The following SOX5 variants were observed in gnomAD, a reference collection of about 807,000 sequenced individuals.
SOX5 encodes the protein SRY-box transcription factor 5.
SOX5 carries 9 observed loss-of-function variants against 92.0 expected under a neutral mutation model. That is an observed-to-expected ratio of 0.10 (90% CI 0.06 to 0.17). The LOEUF is 0.17. SOX5 is among the 10% of genes least tolerant of loss of function. The probability of loss-of-function intolerance (pLI) is 1.00; values close to 1 mark genes in which losing one functional copy is unlikely to be tolerated. For missense variants in SOX5, 642 were observed against 944.5 expected (o/e 0.68, Z 4.20); for synonymous variants, 344 against 336.3 (o/e 1.02, Z -0.25).
chr12:23,892,450 G>A (rs2097138436), intron 2 of SOX5, among the ~76,000 whole-genome samples: 2 of 152,198 alleles, frequency 1.3e-5, no homozygotes, highest in Non-Finnish European at 2.9e-5. Flanking sequence ...CTAGTCTATA[G>A]AGATTTTTCT....
chr12:24,395,073 C>T (rs1959566622), intron 1 of SOX5, among the ~76,000 whole-genome samples: 1 of 152,112 alleles, frequency 6.6e-6, no homozygotes, highest in Non-Finnish European at 1.5e-5. Flanking sequence ...CCATTTCCTT[C>T]CAACATTTAT....
chr12:23,788,315 T>C (rs2095416188), intron 3 of SOX5, among the ~76,000 whole-genome samples: 1 of 151,894 alleles, frequency 6.6e-6, no homozygotes, highest in South Asian at 2.1e-4. Context: ...AGAGAAACAG[T>C]TTACAGTTTT....
intron 3 of SOX5, among the ~76,000 whole-genome samples, chr12:23,764,197 TA>T (rs1163984251): frequency 3.3e-5 from 5 of 152,076 alleles, no homozygotes; most frequent in African/African-American, 4.8e-5. Context: ...AAAATTAAAA[TA>T]TTTCCAACAA....
chr12:23,589,797 A>G lies in SOX5; in HGVS notation c.1165-13959T>C, dbSNP rs181491465. On this transcript the variant is annotated intron_variant, in intron 9 of 14. Transcript: ENST00000451604. The stretch of plus-strand genomic sequence containing the variant: ...TCTACTCATACTGCCTTATCTTCCA[A>G]TGATCCAAACCATTGACCTTTGATC... Among the ~76,000 whole-genome samples the G allele has an allele frequency of 2.4e-3, 369 of 152,092 alleles. 1 individual carries two copies. The highest frequency in any genetic ancestry group is 7.9e-3 in the African/African-American group (330 of 41,534).
intron 1 of SOX5, among the ~76,000 whole-genome samples, chr12:24,471,150 A>C (rs540079710): frequency 6.6e-6 from 1 of 152,134 alleles, no homozygotes; most frequent in African/African-American, 2.4e-5. Context: ...TAATTCATAA[A>C]GTTTCTACAC....
chr12:23,873,797 T>C (rs1453805664), intron 2 of SOX5, among the ~76,000 whole-genome samples: 2 of 152,198 alleles, frequency 1.3e-5, no homozygotes, highest in Admixed American at 1.3e-4. Flanking sequence ...ATCATGTGAA[T>C]GATTGTTGTT....
At chr12:23,734,176 G>A (rs1161086178) in intron 6 of SOX5, among the ~76,000 whole-genome samples, 1 of 152,084 alleles carries the variant, frequency 6.6e-6, no homozygotes, top group African/African-American at 2.4e-5. Context: ...AAAATATGGA[G>A]GTCCCACAGC....
chr12:24,009,236 C>T (rs1304711015), intron 4 of SOX5, among the ~76,000 whole-genome samples: 5 of 152,240 alleles, frequency 3.3e-5, no homozygotes, highest in African/African-American at 7.2e-5. Context: ...AATCAAACAT[C>T]GGGAGCAGAA....
chr12:24,482,717 C>T (rs577490626), intron 1 of SOX5, among the ~76,000 whole-genome samples: 1 of 152,010 alleles, frequency 6.6e-6, no homozygotes, highest in Non-Finnish European at 1.5e-5. Context: ...TGTGATACTA[C>T]TTTTAATTTG....
chr12:23,599,711 T>C (rs1953116239), intron 9 of SOX5, among the ~76,000 whole-genome samples: 1 of 152,208 alleles, frequency 6.6e-6, no homozygotes, highest in African/African-American at 2.4e-5. Context: ...CCTATAACAT[T>C]TGAGGACTTC....
At chr12:24,298,354 C>A (rs1293945536) in intron 2 of SOX5, among the ~76,000 whole-genome samples, 1 of 152,178 alleles carries the variant, frequency 6.6e-6, no homozygotes, top group Non-Finnish European at 1.5e-5. Flanking sequence ...CAGGCGTGAG[C>A]CACCATGCCC....
chr12:23,553,455 C>A (rs889161491), intron 11 of SOX5, among the ~76,000 whole-genome samples: 14 of 151,958 alleles, frequency 9.2e-5, no homozygotes, highest in African/African-American at 3.4e-4. Context: ...GAACTTTACA[C>A]AGGAATACTA....
At chr12:24,348,260 T>C (rs2141136297) in intron 2 of SOX5, among the ~76,000 whole-genome samples, 1 of 152,204 alleles carries the variant, frequency 6.6e-6, no homozygotes, top group Middle Eastern at 3.4e-3. Context: ...GTCATGATAA[T>C]GCAGTCCCAA....
intron 1 of SOX5, among the ~76,000 whole-genome samples, chr12:24,458,155 T>A (rs1456798829): frequency 1.3e-5 from 2 of 152,314 alleles, no homozygotes; most frequent in East Asian, 3.9e-4. Flanking sequence ...CGCCTCAGTG[T>A]CTGTTTTTTT....
At chr12:24,525,635 G>A (rs1480666817) in intron 1 of SOX5, among the ~76,000 whole-genome samples, 1 of 152,114 alleles carries the variant, frequency 6.6e-6, no homozygotes, top group African/African-American at 2.4e-5. Context: ...ACTTTGGGAG[G>A]CCGAGGCGAA....
At chr12:24,433,931 G>C (rs1250770991) in intron 1 of SOX5, among the ~76,000 whole-genome samples, 1 of 152,152 alleles carries the variant, frequency 6.6e-6, no homozygotes, top group Non-Finnish European at 1.5e-5. Flanking sequence ...AGCTAGGCTT[G>C]TGTTCTGGGA....
intron 1 of SOX5, among the ~76,000 whole-genome samples, chr12:24,502,787 A>G (rs1948348414): frequency 6.6e-6 from 1 of 152,236 alleles, no homozygotes; most frequent in Non-Finnish European, 1.5e-5. Flanking sequence ...CAAGATTAGC[A>G]TTACCAGTGG....
At chr12:24,448,439 GCAA>G (rs1202884923) in intron 1 of SOX5, among the ~76,000 whole-genome samples, 1 of 152,146 alleles carries the variant, frequency 6.6e-6, no homozygotes, top group African/African-American at 2.4e-5. Context: ...ACCTTGGAAG[GCAA>G]CAATAAGCCC....
intron 2 of SOX5, among the ~76,000 whole-genome samples, chr12:24,363,298 T>A (rs1019711699): frequency 2.0e-5 from 3 of 152,152 alleles, no homozygotes; most frequent in Admixed American, 2.0e-4. Context: ...ATTTAATAGT[T>A]TCGCCTTCCC....
Sources: gnomAD v4.1 joint callset for allele counts (sites outside exome capture counted in the v4.1 genomes callset) on GRCh38, gnomAD v4.1.1 for gene constraint, MANE v1.5 for transcripts, NCBI Gene and HGNC (gene_info 2026-07-23, HGNC 2026-07-21) for gene names.